Variants in SLC24A2 observed in about 807,000 individuals in gnomAD.
The protein encoded by SLC24A2 is sodium/potassium/calcium exchanger 2.
A neutral mutation model predicts 62.0 loss-of-function variants in SLC24A2; 36 were observed. The ratio of observed to expected loss-of-function variants is 0.58; its 90% CI spans 0.44 to 0.77. SLC24A2 has a LOEUF of 0.77. Ranked by LOEUF, SLC24A2 falls within the 30% of genes least tolerant of loss-of-function variation. SLC24A2 has a pLI of 0.00. For missense variants in SLC24A2, 846 were observed against 817.9 expected (o/e 1.03, Z -0.42); for synonymous variants, 358 against 294.0 (o/e 1.22, Z -2.23).
At chr9:20,278,143 G>A in the SLC24A2 span, among the ~76,000 whole-genome samples, 1 of 152,076 alleles carries the variant, frequency 6.6e-6, no homozygotes. Flanking sequence ...TAAATGACGA[G>A]TTAATGGGTG....
At chr9:19,763,940 C>T (rs563866142) in intron 2 of SLC24A2, among the ~76,000 whole-genome samples, 47 of 152,178 alleles carry the variant, frequency 3.1e-4, no homozygotes, top group Admixed American at 2.0e-3. Flanking sequence ...TCCATCTGGT[C>T]CCGGGCTTTT....
the SLC24A2 span, among the ~76,000 whole-genome samples, chr9:20,008,559 A>G: frequency 6.6e-6 from 1 of 152,092 alleles, no homozygotes; most frequent in Non-Finnish European, 1.5e-5. Context: ...TGGCAGCTCC[A>G]TGACTTCTGC....
chr9:20,053,474 C>A, the SLC24A2 span, among the ~76,000 whole-genome samples: 4 of 152,134 alleles, frequency 2.6e-5, no homozygotes, highest in African/African-American at 7.2e-5. Flanking sequence ...TTGCTCTGAT[C>A]TTCGTTTCTA....
intron 2 of SLC24A2, among the ~76,000 whole-genome samples, chr9:19,636,860 T>A (rs1395627303): frequency 2.6e-5 from 4 of 152,128 alleles, no homozygotes; most frequent in Admixed American, 1.3e-4. Context: ...AGAGTGTCCA[T>A]AACTTCCATC....
At chr9:19,635,519 A>C (rs1346765588) in intron 2 of SLC24A2, among the ~76,000 whole-genome samples, 1 of 152,172 alleles carries the variant, frequency 6.6e-6, no homozygotes, top group African/African-American at 2.4e-5. Context: ...ATATCTTTGG[A>C]AAGGATTTAA....
chr9:19,936,233 C>T, the SLC24A2 span, among the ~76,000 whole-genome samples: 1 of 151,958 alleles, frequency 6.6e-6, no homozygotes, highest in Non-Finnish European at 1.5e-5. Context: ...ACTTGCTGAC[C>T]TCATTCTTCT....
the SLC24A2 span, among the ~76,000 whole-genome samples, chr9:20,294,415 G>A: frequency 2.6e-5 from 4 of 152,166 alleles, no homozygotes; most frequent in East Asian, 1.9e-4. Context: ...AGGCAAGCTC[G>A]TTAGCTTGCT....
At chr9:19,519,816 A>G (rs1833103817) in intron 10 of SLC24A2, among the ~76,000 whole-genome samples, 2 of 152,208 alleles carry the variant, frequency 1.3e-5, no homozygotes, top group South Asian at 4.1e-4. Flanking sequence ...ACAAGCATGG[A>G]GAGCTCTTCA....
At chr9:20,166,660 T>A in the SLC24A2 span, among the ~76,000 whole-genome samples, 3 of 152,094 alleles carry the variant, frequency 2.0e-5, no homozygotes, top group East Asian at 5.8e-4. Flanking sequence ...TACAATTGGT[T>A]ACTTACAAAA....
intron 4 of SLC24A2, among the ~76,000 whole-genome samples, chr9:19,617,330 T>C (rs914833671): frequency 6.6e-6 from 1 of 152,054 alleles, no homozygotes; most frequent in Non-Finnish European, 1.5e-5. Context: ...GGTCTGGGGG[T>C]TGGGGACCCC....
the SLC24A2 span, among the ~76,000 whole-genome samples, chr9:19,986,416 C>G: frequency 2.0e-5 from 3 of 152,098 alleles, no homozygotes; most frequent in African/African-American, 7.2e-5. Flanking sequence ...TATATAGGAC[C>G]TAGCAATTCC....
At chr9:19,593,527 G>A (rs895850609) in intron 5 of SLC24A2, among the ~76,000 whole-genome samples, 11 of 152,100 alleles carry the variant, frequency 7.2e-5, no homozygotes, top group African/African-American at 2.4e-4. Flanking sequence ...TCTTGCGTGT[G>A]AGAGTAAGTA....
chr9:20,200,894 G>A, the SLC24A2 span, among the ~76,000 whole-genome samples: 1 of 152,196 alleles, frequency 6.6e-6, no homozygotes, highest in South Asian at 2.1e-4. Context: ...CCTATTTGGA[G>A]GTCACAAGTG....
At chr9:20,185,509 C>CA in the SLC24A2 span, among the ~76,000 whole-genome samples, 1 of 151,560 alleles carries the variant, frequency 6.6e-6, no homozygotes, top group Non-Finnish European at 1.5e-5. Flanking sequence ...ACTAAAAATA[C>CA]AAAAAATTAG....
intron 5 of SLC24A2, among the ~76,000 whole-genome samples, chr9:19,596,371 A>G (rs971841299): frequency 6.6e-5 from 10 of 152,192 alleles, no homozygotes; most frequent in Admixed American, 5.9e-4. Flanking sequence ...AAAAACCTTA[A>G]ATGTTTTTCA....
the SLC24A2 span, among the ~76,000 whole-genome samples, chr9:19,799,609 A>G: frequency 6.6e-6 from 1 of 152,240 alleles, no homozygotes. Flanking sequence ...GATCCTCTGC[A>G]TGAGCCAGAT....
chr9:19,952,639 T>C, the SLC24A2 span, among the ~76,000 whole-genome samples: 1 of 151,358 alleles, frequency 6.6e-6, no homozygotes, highest in Non-Finnish European at 1.5e-5. Context: ...TGGGTTTGGT[T>C]GGCTAATATT....
At chr9:20,296,412 A>T in the SLC24A2 span, among the ~76,000 whole-genome samples, 1 of 152,226 alleles carries the variant, frequency 6.6e-6, no homozygotes, top group Non-Finnish European at 1.5e-5. Flanking sequence ...ACTTTTAGAG[A>T]GCTCTAATTC....
At chr9:19,526,978 C>T (rs560593685) in intron 9 of SLC24A2, among the ~76,000 whole-genome samples, 22 of 152,150 alleles carry the variant, frequency 1.4e-4, no homozygotes, top group African/African-American at 4.8e-4. Context: ...TTTACAAACT[C>T]TTACATTTCA....
Sources: gnomAD v4.1 joint callset for allele counts (sites outside exome capture counted in the v4.1 genomes callset) on GRCh38, gnomAD v4.1.1 for gene constraint, MANE v1.5 for transcripts, NCBI Gene and HGNC (gene_info 2026-07-23, HGNC 2026-07-21) for gene names.